The following SLC20A2 variants were observed in gnomAD, a reference collection of about 807,000 sequenced individuals.
SLC20A2 encodes sodium-dependent phosphate transporter 2.
Under a neutral mutation model 61.0 loss-of-function variants are expected in SLC20A2, and 30 were observed. The ratio of observed to expected loss-of-function variants is 0.49; its 90% CI spans 0.37 to 0.67. The LOEUF is 0.67. SLC20A2 is among the 30% of genes least tolerant of loss of function. SLC20A2 has a pLI of 0.00. For synonymous variants in SLC20A2, 351 were observed against 353.3 expected (o/e 0.99, Z 0.07); for missense variants, 626 against 866.4 (o/e 0.72, Z 3.48).
chr8:42,504,570 G>A (rs533808951), upstream of SLC20A2, among the ~76,000 whole-genome samples: 62 of 151,868 alleles, frequency 4.1e-4, no homozygotes, highest in Admixed American at 2.9e-3. Flanking sequence ...GTGGCCAGGC[G>A]TGGTGGCTCA....
intron 5 of SLC20A2, among the ~76,000 whole-genome samples, chr8:42,459,260 C>A (rs868088702): frequency 0.012 from 1,340 of 110,062 alleles, 10 homozygotes; most frequent in African/African-American, 0.032. Flanking sequence ...AAAAAAAAAA[C>A]ATAAAAAATA....
At chr8:42,506,540 G>A (rs941867640) in intron 1 of SLC20A2, among the ~76,000 whole-genome samples, 2 of 152,150 alleles carry the variant, frequency 1.3e-5, no homozygotes, top group Non-Finnish European at 2.9e-5. Flanking sequence ...TACTGAGTGC[G>A]GATTAAAGGC....
In SLC20A2 at chr8:42,436,957, C is replaced by G. The variant is rs1321487789; in HGVS notation, c.1523+32G>C. 11 of 1,559,510 alleles carry G rather than the reference C, an allele frequency of 7.1e-6. No homozygotes were observed. In the South Asian group the frequency reaches 1.2e-4, roughly 17 times the overall value. On this transcript the variant is annotated intron_variant, in intron 8 of 10. Coordinates refer to ENST00000520262, the MANE Select transcript of SLC20A2 (RefSeq NM_001257180.2). Reference sequence around the variant, plus strand: ...CTGGCCCCTGGCGGAGCCTCAAGGACCCTTGTTGAATGAATGAATGAAAGC... The same window carrying G: ...CTGGCCCCTGGCGGAGCCTCAAGGAGCCTTGTTGAATGAATGAATGAAAGC...
chr8:42,488,752 G>A (rs1809255794), intron 1 of SLC20A2, among the ~76,000 whole-genome samples: 1 of 152,002 alleles, frequency 6.6e-6, no homozygotes, highest in Non-Finnish European at 1.5e-5. Flanking sequence ...CATCCTAATG[G>A]GTGGAGGTGG....
intron 10 of SLC20A2, among the ~76,000 whole-genome samples, chr8:42,420,666 T>C (rs1223593498): frequency 1.3e-5 from 2 of 152,236 alleles, no homozygotes; most frequent in Middle Eastern, 3.2e-3. Context: ...ACTCTGTTCT[T>C]ATCCAGGTAT....
At chr8:42,534,679 C>T (rs1305004653) in intron 1 of SLC20A2, 4 of 152,048 alleles carry the variant, frequency 2.6e-5, no homozygotes, top group African/African-American at 4.8e-5. Flanking sequence ...TTTTTAAAAA[C>T]GTAGGCATAT....
chr8:42,528,900 C>T (rs1325792541), intron 1 of SLC20A2, among the ~76,000 whole-genome samples: 2 of 152,018 alleles, frequency 1.3e-5, no homozygotes, highest in Admixed American at 6.6e-5. Flanking sequence ...CTCCTGATCT[C>T]GGGTGATCCC....
At chr8:42,529,053 T>C (rs951303608) in intron 1 of SLC20A2, among the ~76,000 whole-genome samples, 2 of 152,014 alleles carry the variant, frequency 1.3e-5, no homozygotes, top group Admixed American at 1.3e-4. Flanking sequence ...TACCTCACCA[T>C]AACCTCAAAC....
chr8:42,439,744 T>C, intron 6 of SLC20A2, 91 bp from the exon 7 acceptor site: 2 of 989,100 alleles, frequency 2.0e-6, no homozygotes, highest in Non-Finnish European at 3.0e-6. Context: ...ATCTTTATGC[T>C]TTAGCACTGA....
intron 1 of SLC20A2, among the ~76,000 whole-genome samples, chr8:42,487,538 T>G (rs1207542835): frequency 1.3e-5 from 2 of 152,202 alleles, no homozygotes; most frequent in Non-Finnish European, 2.9e-5. Context: ...GTTCTCCCAC[T>G]GATGCACTGA....
chr8:42,536,848 T>C (rs1812734115), intron 1 of SLC20A2, among the ~76,000 whole-genome samples: 1 of 151,950 alleles, frequency 6.6e-6, no homozygotes, highest in Non-Finnish European at 1.5e-5. Context: ...CCAAGGTGGG[T>C]GGATCACCTG....
intron 1 of SLC20A2, among the ~76,000 whole-genome samples, chr8:42,539,545 A>G (rs1333341474): frequency 1.3e-5 from 2 of 152,252 alleles, no homozygotes; most frequent in African/African-American, 4.8e-5. Flanking sequence ...CAATGTAAAT[A>G]ACATCCTTAA....
chr8:42,430,304 T>C (rs1803750866), intron 8 of SLC20A2, 55 bp from the exon 9 acceptor site: 7 of 1,417,594 alleles, frequency 4.9e-6, no homozygotes, highest in African/African-American at 1.4e-5. Flanking sequence ...GCAATGTACA[T>C]GATACAGGTG....
intron 1 of SLC20A2, among the ~76,000 whole-genome samples, chr8:42,485,642 CAAAAAAAAAAA>C (rs941111189): frequency 2.2e-4 from 6 of 27,846 alleles, no homozygotes; most frequent in South Asian, 1.3e-3. Flanking sequence ...AACTCCGTCT[CAAAAAAAAAAA>C]AAAAAAAAAA....
At chr8:42,501,766 A>G (rs1810334272), upstream of SLC20A2, among the ~76,000 whole-genome samples, 1 of 152,234 alleles carries the variant, frequency 6.6e-6, no homozygotes, top group Admixed American at 6.5e-5. Flanking sequence ...ACAACTGAGA[A>G]TAAACATCTC....
chr8:42,467,618 T>C (rs1202571696), intron 2 of SLC20A2, among the ~76,000 whole-genome samples: 1 of 152,198 alleles, frequency 6.6e-6, no homozygotes, highest in Non-Finnish European at 1.5e-5. Context: ...ACCCAGTCCA[T>C]GAAGCAACAC....
At chr8:42,526,586 TG>T (rs994928831) in intron 1 of SLC20A2, among the ~76,000 whole-genome samples, 2 of 149,742 alleles carry the variant, frequency 1.3e-5, no homozygotes, top group Non-Finnish European at 3.0e-5. Flanking sequence ...GCCAGGAGAA[TG>T]GCGTGAACCC....
At chr8:42,475,831 G>A (rs1808041107) in intron 1 of SLC20A2, among the ~76,000 whole-genome samples, 1 of 151,904 alleles carries the variant, frequency 6.6e-6, no homozygotes, top group African/African-American at 2.4e-5. Context: ...TCCGGGACCA[G>A]GCTGTGGACG....
chr8:42,538,875 C>A (rs1812876292), intron 1 of SLC20A2, among the ~76,000 whole-genome samples: 1 of 152,126 alleles, frequency 6.6e-6, no homozygotes, highest in Middle Eastern at 3.2e-3. Flanking sequence ...CATTCTAAAT[C>A]AGTTCCATCT....
Sources: allele counts gnomAD v4.1 joint callset (sites outside exome capture counted in the v4.1 genomes callset), GRCh38; gene constraint gnomAD v4.1.1; transcripts MANE v1.5; gene names NCBI Gene and HGNC (gene_info 2026-07-23, HGNC 2026-07-21).